The following DMXL2 variants were observed in gnomAD, a reference collection of about 807,000 sequenced individuals.
The protein encoded by DMXL2 is Dmx like 2, also known as dmX-like protein 2.
A neutral mutation model predicts 331.1 loss-of-function variants in DMXL2; 103 were observed. The observed-to-expected ratio is 0.31, with a 90% CI of 0.27 to 0.37. DMXL2 has a LOEUF of 0.37. Ranked by LOEUF, DMXL2 falls within the 10% of genes least tolerant of loss-of-function variation. The probability of loss-of-function intolerance (pLI) is 1.00; values close to 1 mark genes in which losing one functional copy is unlikely to be tolerated. For synonymous variants in DMXL2, 1,281 were observed against 1,252.1 expected (o/e 1.02, Z -0.49); for missense variants, 3,171 against 3,642.9 (o/e 0.87, Z 3.33).
At chr15:51,593,126 G>A (rs1217421934) in intron 1 of DMXL2, among the ~76,000 whole-genome samples, 1 of 152,150 alleles carries the variant, frequency 6.6e-6, no homozygotes, top group Non-Finnish European at 1.5e-5. Flanking sequence ...TGGCAAATTG[G>A]ATAAAGAGTC....
chr15:51,496,704 G>T (rs950606121), intron 18 of DMXL2, among the ~76,000 whole-genome samples: 1 of 152,210 alleles, frequency 6.6e-6, no homozygotes, highest in Admixed American at 6.5e-5. Context: ...TAACTGCAGA[G>T]GTAATGAGAA....
rs2053282536 is a variant in DMXL2, at chr15:51,602,326, T to A, written c.87+20133A>T. Reference sequence around the variant, plus strand: ...AAAGGGAGGAAAAATTCTCCCTTTATCTTTTTTTTCCCTTTTCTCTATTTT... The same window carrying A: ...AAAGGGAGGAAAAATTCTCCCTTTAACTTTTTTTTCCCTTTTCTCTATTTT... On this transcript the variant is annotated intron_variant, in intron 1 of 43. Coordinates refer to ENST00000560891, the MANE Select transcript of DMXL2 (RefSeq NM_001378457.1). 2.0e-5 allele frequency among the ~76,000 whole-genome samples: 3 copies of A among 152,140 alleles called. No individual in the cohort carries two copies. The South Asian group carries it at 6.2e-4, about 32-fold the overall frequency.
At chr15:51,530,932 T>G (rs544928848) in intron 13 of DMXL2, among the ~76,000 whole-genome samples, 58 of 152,250 alleles carry the variant, frequency 3.8e-4, no homozygotes, top group African/African-American at 1.3e-3. Flanking sequence ...TTGGAAGAAC[T>G]GATATTGTTA....
intron 19 of DMXL2, among the ~76,000 whole-genome samples, chr15:51,493,378 C>T (rs896504286): frequency 2.0e-5 from 3 of 152,004 alleles, no homozygotes; most frequent in African/African-American, 7.3e-5. Context: ...TACACACAGA[C>T]ATGTCAGAAG....
At chr15:51,517,022 T>C (rs371970866) in intron 14 of DMXL2, 56 bp downstream of exon 14, 2 of 1,378,258 alleles carry the variant, frequency 1.5e-6, no homozygotes, top group Non-Finnish European at 2.1e-6. Flanking sequence ...CATATACATA[T>C]AAAACACCAT....
chr15:51,602,337 CCTTTTCTCTATTTT>C (rs750025997), intron 1 of DMXL2, among the ~76,000 whole-genome samples: 48 of 151,816 alleles, frequency 3.2e-4, no homozygotes, highest in Non-Finnish European at 6.6e-4. Context: ...CTTTTTTTTC[CCTTTTCTCTATTTT>C]CTGATATCAC....
At chr15:51,605,206 T>C (rs2053497371) in intron 1 of DMXL2, among the ~76,000 whole-genome samples, 1 of 152,034 alleles carries the variant, frequency 6.6e-6, no homozygotes, top group Non-Finnish European at 1.5e-5. Context: ...CATATAAATA[T>C]ATGTATTTTT....
chr15:51,589,522 A>G (rs2052126413), intron 1 of DMXL2, among the ~76,000 whole-genome samples: 1 of 152,238 alleles, frequency 6.6e-6, no homozygotes, highest in African/African-American at 2.4e-5. Flanking sequence ...GGCTTCAAAG[A>G]AAATGTGGAT....
chr15:51,586,349 A>C (rs1483713667), intron 1 of DMXL2, among the ~76,000 whole-genome samples: 1 of 152,196 alleles, frequency 6.6e-6, no homozygotes, highest in East Asian at 1.9e-4. Flanking sequence ...GTCGAGGGAA[A>C]CATAAGACAA....
At chr15:51,545,833 G>T (rs1332872066) in intron 7 of DMXL2, 67 bp from the exon 8 acceptor site, 2 of 1,370,042 alleles carry the variant, frequency 1.5e-6, no homozygotes, top group African/African-American at 1.4e-5. Flanking sequence ...TTAATATTTT[G>T]GTTCTTCATG....
rs542371992 is a variant in DMXL2 at position 51,454,428 on chromosome 15, C to T, written c.8604+723G>A. On this transcript the variant is annotated intron_variant, in intron 40 of 43. Coordinates refer to ENST00000560891, the MANE Select transcript of DMXL2 (RefSeq NM_001378457.1). ...TAATCCAATTTGGATTAAGGTGGCT[C>T]ATTGGGATTGGTTATTTTATAATCT... 1.4e-4 allele frequency among the ~76,000 whole-genome samples: 21 copies of T among 152,146 alleles called. No homozygotes were observed. The East Asian group carries it at 3.7e-3, about 27-fold the overall frequency.
chr15:51,550,484 T>C (rs570724946), intron 6 of DMXL2, among the ~76,000 whole-genome samples: 141 of 152,228 alleles, frequency 9.3e-4, no homozygotes, highest in African/African-American at 3.3e-3. Context: ...TCACCTCAAA[T>C]ACTTAATGTT....
intron 28 of DMXL2, among the ~76,000 whole-genome samples, chr15:51,471,830 A>G (rs1208209127): frequency 6.6e-6 from 1 of 152,174 alleles, no homozygotes; most frequent in Admixed American, 6.5e-5. Context: ...CAAATAATCA[A>G]AGAAGGTTTG....
At position 51,542,586 on chromosome 15, in the gene DMXL2, AG is replaced by A. The variant is rs2048660896; in HGVS notation, c.931-80del. On this transcript the variant is annotated intron_variant, in intron 8 of 43. Coordinates refer to ENST00000560891, the MANE Select transcript of DMXL2 (RefSeq NM_001378457.1). ...AACCAAAGTACTCTTAATTATTAAGAGGTTTAAGATTTTTTTCTCCATAAAA... is the reference window on the plus strand; with the variant it reads ...AACCAAAGTACTCTTAATTATTAAGAGTTTAAGATTTTTTTCTCCATAAAA... The A allele has an allele frequency of 9.8e-6, 11 of 1,125,130 alleles. No homozygotes were observed. In the East Asian group the frequency reaches 2.0e-4, roughly 20 times the overall value. 69.7% of individuals were successfully genotyped at this position (1,125,130 alleles called of 1,614,324 possible).
intron 12 of DMXL2, 28 bp downstream of exon 12, chr15:51,536,138 T>G: frequency 6.7e-7 from 1 of 1,500,404 alleles, no homozygotes; most frequent in Non-Finnish European, 8.9e-7. Flanking sequence ...AAGCTTGTGT[T>G]AATTTCACAA....
chr15:51,574,117 G>A (rs548162339), intron 2 of DMXL2, among the ~76,000 whole-genome samples: 2 of 152,256 alleles, frequency 1.3e-5, no homozygotes, highest in Admixed American at 1.3e-4. Context: ...AGGCTAAGGA[G>A]AAGTCAGGGA....
At position 51,463,508 on chromosome 15, in the gene DMXL2, A is replaced by G; in HGVS notation, c.7809-12T>C. On this transcript the variant is annotated splice_polypyrimidine_tract_variant and intron_variant, in intron 32 of 43. Coordinates refer to ENST00000560891, the MANE Select transcript of DMXL2 (RefSeq NM_001378457.1). Reference sequence around the variant, plus strand: ...AAGAATCCCGGGACCTATTAAAAAAAATTAACATATCACACTACTTTAGTC... The same window carrying G: ...AAGAATCCCGGGACCTATTAAAAAAGATTAACATATCACACTACTTTAGTC... 2.0e-6 allele frequency: 3 copies of G among 1,469,252 alleles called. No individual in the cohort carries two copies. The highest frequency in any genetic ancestry group is 2.8e-6 in the Non-Finnish European group (3 of 1,077,278). The allele number at this position is 1,469,252 out of a possible 1,614,324, so 91.0% of individuals were successfully genotyped here.
At chr15:51,540,000 A>G (rs1229079382) in intron 9 of DMXL2, among the ~76,000 whole-genome samples, 1 of 152,226 alleles carries the variant, frequency 6.6e-6, no homozygotes, top group Non-Finnish European at 1.5e-5. Context: ...CTGGATGACT[A>G]TTCTGGTTTT....
intron 32 of DMXL2, among the ~76,000 whole-genome samples, chr15:51,464,188 G>A (rs1296414448): frequency 6.6e-6 from 1 of 152,190 alleles, no homozygotes; most frequent in Admixed American, 6.5e-5. Flanking sequence ...GACTGCTTGA[G>A]CCTAGGAGTT....
Sources: gnomAD v4.1 joint callset for allele counts (sites outside exome capture counted in the v4.1 genomes callset) on GRCh38, gnomAD v4.1.1 for gene constraint, MANE v1.5 for transcripts, NCBI Gene and HGNC (gene_info 2026-07-23, HGNC 2026-07-21) for gene names.